Variants in P3H2 observed in about 807,000 individuals in gnomAD.
P3H2 encodes the protein prolyl 3-hydroxylase 2, also known as leprecan-like 1.
Under a neutral mutation model 87.0 loss-of-function variants are expected in P3H2, and 80 were observed. That is an observed-to-expected ratio of 0.92 (90% CI 0.77 to 1.11). The LOEUF (loss-of-function observed/expected upper bound fraction) is 1.11. Among genes scored for constraint, P3H2 ranks in the 50% least tolerant of loss-of-function variants. The pLI, the probability that P3H2 is intolerant of heterozygous loss-of-function variation, is 0.00. For missense variants in P3H2, 1,001 were observed against 923.9 expected (o/e 1.08, Z -1.08); for synonymous variants, 367 against 359.3 (o/e 1.02, Z -0.24).
chr3:190,034,545 T>C (rs974520656), intron 1 of P3H2, among the ~76,000 whole-genome samples: 5 of 152,210 alleles, frequency 3.3e-5, no homozygotes, highest in African/African-American at 1.2e-4. Flanking sequence ...ATTCATATTG[T>C]TTGATCCCAT....
chr3:189,997,278 T>A (rs192082768), intron 1 of P3H2, among the ~76,000 whole-genome samples: 36 of 152,284 alleles, frequency 2.4e-4, no homozygotes, highest in South Asian at 4.2e-4. Flanking sequence ...CTTCACATAT[T>A]TACATATGCT....
intron 13 of P3H2, 172 bp from the exon 14 acceptor site, chr3:189,964,270 G>A: frequency 1.4e-6 from 1 of 691,296 alleles, no homozygotes; most frequent in South Asian, 1.7e-5. Context: ...GTAAAACAAA[G>A]GTAAGGTCAA....
intron 14 of P3H2, among the ~76,000 whole-genome samples, chr3:189,962,011 C>T (rs1379366107): frequency 1.3e-5 from 2 of 152,050 alleles, no homozygotes; most frequent in Admixed American, 6.5e-5. Flanking sequence ...AAAAAAAATG[C>T]TTTGATGGAA....
rs1726171480 is a variant in P3H2, at chr3:190,056,673, CT to C, written c.481-61232del. Among the ~76,000 whole-genome samples, 2 of 152,180 alleles carry C rather than the reference CT, an allele frequency of 1.3e-5. 1 individual carries two copies. The highest frequency in any genetic ancestry group is 4.1e-4 in the South Asian group (2 of 4,830). On this transcript the variant is annotated intron_variant, in intron 1 of 14. Coordinates refer to ENST00000319332, the MANE Select transcript of P3H2 (RefSeq NM_018192.4). ...TGGGGGTCCATAGAAATGACAGAGA[CT>C]TTGGTGTGAGGCTGGATAGCTCAGT...
At chr3:189,987,904 C>G (rs971785848) in intron 4 of P3H2, 1 of 537,630 alleles carries the variant, frequency 1.9e-6, no homozygotes, top group African/African-American at 1.9e-5. Flanking sequence ...TTGTGCAAAT[C>G]GTCAAGTTTC....
intron 1 of P3H2, among the ~76,000 whole-genome samples, chr3:190,092,009 G>C (rs982236787): frequency 6.6e-6 from 1 of 152,134 alleles, no homozygotes; most frequent in Non-Finnish European, 1.5e-5. Context: ...GAGGTGGGTG[G>C]ATCACCTGAG....
At chr3:190,027,967 CAAA>C (rs10712952) in intron 1 of P3H2, among the ~76,000 whole-genome samples, 2 of 136,774 alleles carry the variant, frequency 1.5e-5, no homozygotes, top group Non-Finnish European at 1.6e-5. Context: ...GACTCCATCG[CAAA>C]AAAAAAAAAA....
At chr3:190,098,267 T>C (rs1023803467) in intron 1 of P3H2, among the ~76,000 whole-genome samples, 7 of 152,282 alleles carry the variant, frequency 4.6e-5, no homozygotes, top group African/African-American at 1.7e-4. Context: ...AGAAACTAAG[T>C]TTCCAAAAAA....
chr3:190,088,354 G>A (rs979372639), intron 1 of P3H2, among the ~76,000 whole-genome samples: 1 of 152,192 alleles, frequency 6.6e-6, no homozygotes, highest in East Asian at 1.9e-4. Context: ...TGTCTAGGGA[G>A]AGAAGGCAGG....
At chr3:190,040,324 G>A (rs1725569448) in intron 1 of P3H2, among the ~76,000 whole-genome samples, 1 of 152,150 alleles carries the variant, frequency 6.6e-6, no homozygotes, top group Non-Finnish European at 1.5e-5. Context: ...GTACTCATTC[G>A]GTCCATAAAC....
At chr3:190,104,735 C>A (rs1711766388) in intron 1 of P3H2, among the ~76,000 whole-genome samples, 1 of 152,148 alleles carries the variant, frequency 6.6e-6, no homozygotes, top group Non-Finnish European at 1.5e-5. Context: ...AACTTAAAAC[C>A]CCCAGTGGTA....
chr3:190,065,984 C>T (rs983668294), intron 1 of P3H2, among the ~76,000 whole-genome samples: 27 of 151,830 alleles, frequency 1.8e-4, no homozygotes, highest in African/African-American at 5.6e-4. Flanking sequence ...CAGGAGTGTG[C>T]TATATAATTT....
At chr3:189,967,382 G>GCACTTTGGGAGGCCGAGGCGGGCGGA (rs1216302555) in intron 13 of P3H2, among the ~76,000 whole-genome samples, 1 of 149,576 alleles carries the variant, frequency 6.7e-6, no homozygotes, top group African/African-American at 2.5e-5. Context: ...TAGAATTCCA[G>GCACTTTGGGAGGCCGAGGCGGGCGGA]TTAACTTGAC....
At chr3:189,977,366 G>C (rs1333478563) in intron 8 of P3H2, among the ~76,000 whole-genome samples, 1 of 152,118 alleles carries the variant, frequency 6.6e-6, no homozygotes, top group African/African-American at 2.4e-5. Context: ...GGAATAGAGG[G>C]CGTCCTCCAG....
chr3:190,066,549 G>A (rs1024748534), intron 1 of P3H2, among the ~76,000 whole-genome samples: 1 of 151,936 alleles, frequency 6.6e-6, no homozygotes, highest in African/African-American at 2.4e-5. Flanking sequence ...ATACTGCTCA[G>A]GTGATGGTTG....
At chr3:190,121,267 C>T (rs1712577290), upstream of P3H2, among the ~76,000 whole-genome samples, 1 of 151,764 alleles carries the variant, frequency 6.6e-6, no homozygotes, top group Non-Finnish European at 1.5e-5. Context: ...CAGACTGAAT[C>T]AAACCGTAGA....
intron 1 of P3H2, among the ~76,000 whole-genome samples, chr3:190,072,045 C>T (rs762183909): frequency 6.8e-6 from 1 of 147,184 alleles, no homozygotes; most frequent in Non-Finnish European, 1.5e-5. Flanking sequence ...GCAGTGGCGC[C>T]ATCTCGGCTC....
rs763225199 is a variant in P3H2, at chr3:189,973,967, G to C, written c.1490C>G (p.Thr497Ser). The C allele has an allele frequency of 4.3e-6, 7 of 1,613,992 alleles. No individual in the cohort carries two copies. The African/African-American group carries it at 9.3e-5, about 22-fold the overall frequency. The change falls in exon 10 of 15, where the codon ACT (threonine) becomes AGT (serine). Residue 497 changes from threonine to serine, a missense_variant. By Grantham distance (58) the Thr-to-Ser change is moderately conservative (BLOSUM62 1). Coordinates refer to ENST00000319332, the MANE Select transcript of P3H2 (RefSeq NM_018192.4). The stretch of plus-strand genomic sequence containing the variant: ...CTTTTCATTGGGTGTATGGGGTGAA[G>C]TTTTTCCTCTGTATCCATCACCAAC... ...MLVGDGYRGK[T>S]SPHTPNEKFE...
intron 1 of P3H2, among the ~76,000 whole-genome samples, chr3:190,090,392 T>C (rs902625504): frequency 6.6e-6 from 1 of 152,148 alleles, no homozygotes; most frequent in South Asian, 2.1e-4. Flanking sequence ...CTGAGCATAT[T>C]TTAGACTCAA....
Sources: allele counts gnomAD v4.1 joint callset (sites outside exome capture counted in the v4.1 genomes callset), GRCh38; gene constraint gnomAD v4.1.1; transcripts MANE v1.5; gene names NCBI Gene and HGNC (gene_info 2026-07-23, HGNC 2026-07-21).